ISM2: variants seen among roughly 807,000 people sequenced by gnomAD.
The protein encoded by ISM2 is isthmin 2.
Under a neutral mutation model 58.0 loss-of-function variants are expected in ISM2, and 50 were observed. That is an observed-to-expected ratio of 0.86 (90% CI 0.69 to 1.09). The LOEUF is 1.09. ISM2 is among the 50% of genes least tolerant of loss of function. ISM2 has a pLI of 0.00. For synonymous variants in ISM2, 303 were observed against 312.4 expected (o/e 0.97, Z 0.32); for missense variants, 723 against 745.0 (o/e 0.97, Z 0.34).
intron 6 of ISM2, among the ~76,000 whole-genome samples, chr14:77,477,413 T>C (rs1435841388): frequency 6.6e-6 from 1 of 152,172 alleles, no homozygotes; most frequent in South Asian, 2.1e-4. Flanking sequence ...AGGATCCAGA[T>C]GCTGGGATTT....
chr14:77,481,814 A>T (rs1436481572), intron 4 of ISM2, among the ~76,000 whole-genome samples: 1 of 151,656 alleles, frequency 6.6e-6, no homozygotes, highest in African/African-American at 2.4e-5. Context: ...AAAGAAAAAA[A>T]AAAGGCTGGG....
rs894099464 is a variant in ISM2, at chr14:77,475,065, C to T, written c.*530G>A. 2 of 152,168 alleles carry T rather than the reference C, an allele frequency of 1.3e-5. No homozygotes were observed. The highest frequency in any genetic ancestry group is 4.8e-5 in the African/African-American group (2 of 41,382). The allele number at this position is 152,168 out of a possible 1,614,324, so 9.4% of individuals were successfully genotyped here. On this transcript the variant is annotated 3_prime_UTR_variant, in exon 7 of 7. Transcript: ENST00000342219. This position sits in a 1 kb window ranked among gnomAD's most constrained non-coding sequence, Gnocchi z 4.1. Reference sequence around the variant, plus strand: ...GTGGCAGGGAGTGGGGAAAGAAGGGCATGTGCACCACCCAGAGATAAGGAG... The same window carrying T: ...GTGGCAGGGAGTGGGGAAAGAAGGGTATGTGCACCACCCAGAGATAAGGAG...
At position 77,498,750 on chromosome 14, in the gene ISM2, A is replaced by G. The variant is rs1594958864; in HGVS notation, c.44T>C (p.Leu15Pro). The stretch of plus-strand genomic sequence containing the variant: ...CGCCTCCAGCAGCGCCGCCAGCAGC[A>G]GCACGCAGAGGAGGAGCCCGGCTCG... The part of the protein sequence containing the change: ...RDRAGLLLCV[L>P]LLAALLEAAL... Residue 15 changes from leucine to proline, a missense_variant, in exon 1 of 7, where the codon CTG (leucine) becomes CCG (proline). Transcript: ENST00000342219. 6.7e-7 allele frequency: 1 copy of G among 1,481,720 alleles called. No homozygotes were observed. Among genetic ancestry groups the G allele is most frequent in the East Asian group, 2.9e-5 (1 of 33,972 alleles). The allele number at this position is 1,481,720 out of a possible 1,614,324, so 91.8% of individuals were successfully genotyped here.
chr14:77,491,673 TG>T (rs575372918), intron 1 of ISM2, among the ~76,000 whole-genome samples: 3 of 149,540 alleles, frequency 2.0e-5, no homozygotes, highest in African/African-American at 7.4e-5. Context: ...ATTACAGGCA[TG>T]GGCCACCGCG....
At chr14:77,498,202 T>C (rs1306194539) in intron 1 of ISM2, 18 of 1,250,984 alleles carry the variant, frequency 1.4e-5, no homozygotes, top group Admixed American at 2.6e-5. Context: ...GTGCCTCCGC[T>C]TGTCTCATGG....
At chr14:77,484,215 A>T in intron 3 of ISM2, 108 bp downstream of exon 3, 3 of 1,422,228 alleles carry the variant, frequency 2.1e-6, no homozygotes, top group Non-Finnish European at 2.9e-6. Flanking sequence ...CCCACACAGC[A>T]GCCCCACCCT....
At chr14:77,481,531 T>C (rs140024319) in intron 4 of ISM2, among the ~76,000 whole-genome samples, 151 of 152,084 alleles carry the variant, frequency 9.9e-4, no homozygotes, top group Middle Eastern at 3.4e-3. Context: ...CAACTCCATG[T>C]AGTAAAGATT....
intron 5 of ISM2, 100 bp from the exon 6 acceptor site, chr14:77,478,425 C>G: frequency 7.0e-7 from 1 of 1,433,162 alleles, no homozygotes; most frequent in Non-Finnish European, 9.7e-7. Context: ...GTGCCCACAG[C>G]AGCCAAAATA....
chr14:77,489,615 A>T (rs1303891797), intron 1 of ISM2, among the ~76,000 whole-genome samples: 1 of 152,062 alleles, frequency 6.6e-6, no homozygotes, highest in Admixed American at 6.6e-5. Flanking sequence ...CTGGGCTCAA[A>T]TAATCCTCCC....
intron 1 of ISM2, among the ~76,000 whole-genome samples, chr14:77,495,500 C>T (rs2079233517): frequency 6.6e-6 from 1 of 152,142 alleles, no homozygotes; most frequent in South Asian, 2.1e-4. Flanking sequence ...AGAAACAATG[C>T]CAATTTAGTT....
At chr14:77,489,903 G>A (rs12880663) in intron 1 of ISM2, among the ~76,000 whole-genome samples, 84,764 of 152,096 alleles carry the variant, frequency 0.56, 26,945 homozygotes, top group East Asian at 0.95. Flanking sequence ...TTGCTCTGTC[G>A]CCCAGGCTGG....
chr14:77,478,103 G>A, intron 6 of ISM2, 139 bp downstream of exon 6: 1 of 728,934 alleles, frequency 1.4e-6, no homozygotes, highest in Non-Finnish European at 2.4e-6. Context: ...CCCCCTGTTG[G>A]AGAAGCAAAC....
intron 1 of ISM2, among the ~76,000 whole-genome samples, chr14:77,489,777 C>T: frequency 6.6e-6 from 1 of 152,220 alleles, no homozygotes; most frequent in Admixed American, 6.5e-5. Context: ...TCATGGTGTG[C>T]AACCTGTGTC....
At chr14:77,485,826 T>C (rs2079164300) in intron 1 of ISM2, among the ~76,000 whole-genome samples, 8 of 152,238 alleles carry the variant, frequency 5.3e-5, no homozygotes. Context: ...CAGTATGGTA[T>C]GGCTGACAAA....
At chr14:77,489,949 A>C (rs12880417) in intron 1 of ISM2, among the ~76,000 whole-genome samples, 145,898 of 152,150 alleles carry the variant, frequency 0.96, 70,247 homozygotes, top group East Asian at 1. Context: ...CTGCAAGCTA[A>C]GCCTCCCGGG....
At chr14:77,479,448 A>T (rs2079119040) in intron 4 of ISM2, among the ~76,000 whole-genome samples, 1 of 147,950 alleles carries the variant, frequency 6.8e-6, no homozygotes, top group East Asian at 2.0e-4. Flanking sequence ...CAGTGGCGTG[A>T]TCTCGGCTCA....
chr14:77,480,054 C>T (rs1335494960), intron 4 of ISM2, among the ~76,000 whole-genome samples: 1 of 152,254 alleles, frequency 6.6e-6, no homozygotes, highest in South Asian at 2.1e-4. Flanking sequence ...CATGGTGGCT[C>T]ATGCCTATAA....
rs771128460 is a variant in ISM2 at position 77,478,535 on chromosome 14, G to A, written c.1114+40C>T. 3.2e-5 allele frequency: 51 copies of A among 1,593,382 alleles called. 1 individual carries two copies. Among genetic ancestry groups the A allele is most frequent in the African/African-American group, 2.8e-4 (21 of 74,390 alleles). On this transcript the variant is annotated intron_variant, in intron 5 of 6. Transcript: ENST00000342219. ...GGGGACCAAGCCTCCAGCCTAAGCCGCACCAGCCACTCCTATGCAGGGGTA... is the reference window on the plus strand; with the variant it reads ...GGGGACCAAGCCTCCAGCCTAAGCCACACCAGCCACTCCTATGCAGGGGTA...
rs80142751 is a variant in ISM2 at position 77,498,323 on chromosome 14, A to T, written c.141+330T>A. ...TCTCCGAGCTAGCGCGCACCTGGAA[A>T]GGGGGCTGCAGGCGAGGTCCGCTCA... On this transcript the variant is annotated intron_variant, in intron 1 of 6. Coordinates refer to ENST00000342219, the MANE Select transcript of ISM2 (RefSeq NM_199296.3). 5.2e-3 allele frequency: 7,131 copies of T among 1,379,844 alleles called. 308 individuals are homozygous for T. The African/African-American group carries it at 0.092, about 18-fold the overall frequency. The allele number at this position is 1,379,844 out of a possible 1,614,324, so 85.5% of individuals were successfully genotyped here.
Sources: allele counts gnomAD v4.1 joint callset (sites outside exome capture counted in the v4.1 genomes callset), GRCh38; gene constraint gnomAD v4.1.1; non-coding constraint Gnocchi (gnomAD v3.1); transcripts MANE v1.5; gene names NCBI Gene and HGNC (gene_info 2026-07-23, HGNC 2026-07-21).